Variants in HIVEP3 observed in about 807,000 individuals in gnomAD.
The protein encoded by HIVEP3 is HIVEP zinc finger 3, also known as transcription factor HIVEP3.
A neutral mutation model predicts 152.8 loss-of-function variants in HIVEP3; 49 were observed. That is an observed-to-expected ratio of 0.32 (90% CI 0.26 to 0.41). The LOEUF (loss-of-function observed/expected upper bound fraction) is 0.41, where lower values mean the gene tolerates loss of function less well. Ranked by LOEUF, HIVEP3 falls within the 10% of genes least tolerant of loss-of-function variation. HIVEP3 has a pLI of 1.00. For missense variants in HIVEP3, 2,790 were observed against 3,103.3 expected, an observed-to-expected ratio of 0.90 and a Z score of 2.40; for synonymous variants, 1,269 against 1,289.0, an observed-to-expected ratio of 0.98 and a Z score of 0.33.
intron 1 of HIVEP3, among the ~76,000 whole-genome samples, chr1:41,838,387 C>T (rs1163147015): frequency 6.6e-6 from 1 of 152,162 alleles, no homozygotes; most frequent in Non-Finnish European, 1.5e-5. Context: ...TCTGTTCCCC[C>T]TTCCTATAAC....
intron 1 of HIVEP3, among the ~76,000 whole-genome samples, chr1:41,728,437 G>A (rs61773714): frequency 6.6e-6 from 1 of 152,132 alleles, no homozygotes; most frequent in African/African-American, 2.4e-5. Context: ...GTGCTGGGCA[G>A]GGGATGCGGG....
chr1:41,826,427 T>A (rs1239113096), intron 1 of HIVEP3, among the ~76,000 whole-genome samples: 1 of 152,190 alleles, frequency 6.6e-6, no homozygotes, highest in Non-Finnish European at 1.5e-5. Context: ...TTTGTTTGTT[T>A]TTGAGATGGA....
At chr1:41,575,244 C>T (rs1227120031) in intron 5 of HIVEP3, among the ~76,000 whole-genome samples, 3 of 152,196 alleles carry the variant, frequency 2.0e-5, no homozygotes, top group Admixed American at 1.3e-4. Flanking sequence ...AACTCCAATG[C>T]AGGAACTAGA....
At chr1:41,933,916 A>C (rs976494537) in intron 1 of HIVEP3, among the ~76,000 whole-genome samples, 1 of 152,060 alleles carries the variant, frequency 6.6e-6, no homozygotes, top group Non-Finnish European at 1.5e-5. Context: ...CAGAATGTAT[A>C]TCCATCCTTT....
At position 41,584,916 on chromosome 1, in the gene HIVEP3, A is replaced by G. The variant is rs1252463433; in HGVS notation, c.-119T>C. ...GGCCACATTGGTCAAGAGCTGTGGG[A>G]GCCAAACCCAAGACGGCTTTGGGAG... On this transcript the variant is annotated 5_prime_UTR_variant, in exon 4 of 9. Transcript: ENST00000372583. This position sits in a 1 kb window ranked among gnomAD's most constrained non-coding sequence, Gnocchi z 5.2. 4.1e-6 allele frequency: 4 copies of G among 974,254 alleles called. No individual in the cohort carries two copies. The highest frequency in any genetic ancestry group is 5.6e-6 in the Non-Finnish European group (4 of 709,934). The allele number at this position is 974,254 out of a possible 1,614,324, so 60.4% of individuals were successfully genotyped here.
chr1:41,603,860 C>T (rs187323507), intron 3 of HIVEP3, among the ~76,000 whole-genome samples: 2 of 152,254 alleles, frequency 1.3e-5, no homozygotes, highest in East Asian at 1.9e-4. Flanking sequence ...TAGTGTTGTT[C>T]GAGTCATTTG....
chr1:41,954,637 T>A (rs1489519387), intron 1 of HIVEP3, among the ~76,000 whole-genome samples: 2 of 152,222 alleles, frequency 1.3e-5, no homozygotes, highest in African/African-American at 4.8e-5. Flanking sequence ...CAGAGAACAC[T>A]GGCCTTTCTG....
intron 3 of HIVEP3, among the ~76,000 whole-genome samples, chr1:41,604,262 C>A (rs1264455054): frequency 6.6e-6 from 1 of 152,084 alleles, no homozygotes. Context: ...GCCAAAAAAA[C>A]TGGAAACAGC....
rs80009199 is a variant in HIVEP3, at chr1:41,698,574, A to T, written c.-721+2342T>A. On this transcript the variant is annotated intron_variant, in intron 2 of 8. Coordinates refer to ENST00000372583, the MANE Select transcript of HIVEP3 (RefSeq NM_024503.5). ...TGAGGGAGCTGTGTGCTAAGCTTCC[A>T]TGAATGCTTCTCTGTGACAGGGAGT... Among the ~76,000 whole-genome samples the T allele has an allele frequency of 2.0e-5, 3 of 152,268 alleles. No homozygotes were observed. The East Asian group carries it at 5.8e-4, about 29-fold the overall frequency.
Position 41,967,987 on chromosome 1 carries a change from G to C in HIVEP3, n.120-49463C>G, listed in dbSNP as rs560127137. On this transcript the variant is annotated intron_variant and non_coding_transcript_variant, in intron 1 of 3. Transcript: ENST00000489103. ...TTCCTAGACACATACAACCTCCCAA[G>C]ACTGAACCAGGAAGAAGCTGAATCC... Among the ~76,000 whole-genome samples the C allele has an allele frequency of 2.1e-3, 325 of 152,122 alleles. 1 individual carries two copies. The highest frequency in any genetic ancestry group is 7.5e-3 in the African/African-American group (311 of 41,508).
At chr1:41,529,135 T>C (rs1569766094) in intron 5 of HIVEP3, among the ~76,000 whole-genome samples, 4 of 35,526 alleles carry the variant, frequency 1.1e-4, no homozygotes, top group African/African-American at 3.3e-4. Flanking sequence ...CTCACACAAC[T>C]CACCCTCACA....
intron 2 of HIVEP3, among the ~76,000 whole-genome samples, chr1:41,676,697 C>T (rs1037091640): frequency 1.3e-5 from 2 of 152,208 alleles, no homozygotes; most frequent in Admixed American, 1.3e-4. Flanking sequence ...CCTCAGGAAA[C>T]TGCCCCCCAA....
intron 1 of HIVEP3, among the ~76,000 whole-genome samples, chr1:41,981,888 C>A (rs1471566280): frequency 2.0e-5 from 3 of 152,160 alleles, no homozygotes; most frequent in Non-Finnish European, 4.4e-5. Flanking sequence ...GGGACAGCTG[C>A]TGAAATGTGG....
At chr1:41,861,685 C>T (rs184667747) in intron 1 of HIVEP3, among the ~76,000 whole-genome samples, 110 of 152,174 alleles carry the variant, frequency 7.2e-4, no homozygotes, top group African/African-American at 2.6e-3. Flanking sequence ...GAGATGAGAG[C>T]GTTGATAGGA....
Position 41,512,816 on chromosome 1 carries a change from C to A in HIVEP3, c.6405G>T (p.Trp2135Cys). 6.7e-7 allele frequency: 1 copy of A among 1,488,204 alleles called. No homozygotes were observed. 92.2% of individuals were successfully genotyped at this position (1,488,204 alleles called of 1,614,324 possible). ...CCAGCCACCAGGGGCAGGAACTCAC[C>A]CACGGGGAGGCGCAGGTCTCTGGGC... ...SRSPETCASP[W>C]QKAESRSPSC... The change falls in exon 8 of 9, where the codon TGG (tryptophan) becomes TGT (cysteine). Residue 2135 changes from tryptophan to cysteine, a missense_variant and splice_region_variant. By Grantham distance (215) the Trp-to-Cys change is radical. This residue lies in a region of HIVEP3 where 816 missense variants were observed against 806.5 expected (regional missense o/e 1.01). Coordinates refer to ENST00000372583, the MANE Select transcript of HIVEP3 (RefSeq NM_024503.5).
intron 1 of HIVEP3, among the ~76,000 whole-genome samples, chr1:41,838,557 A>G (rs2124366088): frequency 6.6e-6 from 1 of 152,062 alleles, no homozygotes; most frequent in Non-Finnish European, 1.5e-5. Flanking sequence ...CATAAATGGC[A>G]CCCTGATTTT....
At chr1:41,532,631 C>G (rs1569788836) in intron 5 of HIVEP3, among the ~76,000 whole-genome samples, 1 of 152,098 alleles carries the variant, frequency 6.6e-6, no homozygotes, top group African/African-American at 2.4e-5. Flanking sequence ...GCTCCACAGG[C>G]CTCAGTGGCC....
chr1:41,720,583 T>TTGTG (rs1646660383), intron 1 of HIVEP3, among the ~76,000 whole-genome samples: 1 of 147,220 alleles, frequency 6.8e-6, no homozygotes, highest in African/African-American at 2.7e-5. Flanking sequence ...ATTAGAACAC[T>TTGTG]TGTGCACTGC....
chr1:41,972,627 A>C (rs1046856152), intron 1 of HIVEP3, among the ~76,000 whole-genome samples: 1 of 152,248 alleles, frequency 6.6e-6, no homozygotes, highest in Non-Finnish European at 1.5e-5. Context: ...TTTAAGAGTC[A>C]TGGAAAGCTT....
Sources: allele counts gnomAD v4.1 joint callset (sites outside exome capture counted in the v4.1 genomes callset), GRCh38; gene constraint gnomAD v4.1.1; regional missense constraint gnomAD v4.1.1; non-coding constraint Gnocchi (gnomAD v3.1); transcripts MANE v1.5; gene names NCBI Gene and HGNC (gene_info 2026-07-23, HGNC 2026-07-21).